YLPM1: variants seen among roughly 807,000 people sequenced by gnomAD.
The protein encoded by YLPM1 is YLP motif containing 1.
A neutral mutation model predicts 230.0 loss-of-function variants in YLPM1; 99 were observed. The ratio of observed to expected loss-of-function variants is 0.43; its 90% CI spans 0.37 to 0.51. The LOEUF is 0.51. YLPM1 is among the 20% of genes least tolerant of loss of function. The probability of loss-of-function intolerance (pLI) is 0.00; values close to 1 mark genes in which losing one functional copy is unlikely to be tolerated. For missense variants in YLPM1, 2,592 were observed against 2,707.7 expected, an observed-to-expected ratio of 0.96 and a Z score of 0.95; for synonymous variants, 984 against 942.5, an observed-to-expected ratio of 1.04 and a Z score of -0.81.
chr14:74,777,434 G>A (rs1217570488), intron 1 of YLPM1, among the ~76,000 whole-genome samples: 2 of 151,810 alleles, frequency 1.3e-5, no homozygotes, highest in Non-Finnish European at 2.9e-5. Context: ...GGGCTTGGTG[G>A]TGGGTGCCTG....
At chr14:74,810,087 C>A in intron 8 of YLPM1, 85 bp downstream of exon 8, 1 of 1,465,686 alleles carries the variant, frequency 6.8e-7, no homozygotes, top group Non-Finnish European at 9.2e-7. Context: ...ATTATCTGAG[C>A]CTCCATTTAA....
At chr14:74,773,302 A>G (rs1435714047) in intron 1 of YLPM1, among the ~76,000 whole-genome samples, 1 of 152,154 alleles carries the variant, frequency 6.6e-6, no homozygotes, top group Non-Finnish European at 1.5e-5. Context: ...AAAAAAAAAG[A>G]GAAATTGACC....
chr14:74,763,929 C>G lies in YLPM1; in HGVS notation c.440C>G (p.Pro147Arg), dbSNP rs779112462. ...GTTCCAATGGAGCTGGAATCCCCCC[C>G]TGAATCTCCCCCTGTGCCGCCTGGG... ...GLVPMELESP[P>R]ESPPVPPGSY... Residue 147 changes from proline to arginine, a missense_variant, in exon 1 of 21, where the codon CCT becomes CGT. By Grantham distance (103) the Pro-to-Arg change is moderately radical. Transcript: ENST00000325680. 4 of 1,152,986 alleles carry G rather than the reference C, an allele frequency of 3.5e-6. No individual in the cohort carries two copies. Among genetic ancestry groups the G allele is most frequent in the South Asian group, 1.6e-5 (1 of 60,992 alleles). 71.4% of individuals were successfully genotyped at this position (1,152,986 alleles called of 1,614,324 possible).
chr14:74,806,793 T>A (rs1177895204), intron 6 of YLPM1, among the ~76,000 whole-genome samples: 6 of 151,588 alleles, frequency 4.0e-5, no homozygotes, highest in African/African-American at 7.3e-5. Context: ...CCCATTTATC[T>A]GTTTGAGTCA....
chr14:74,763,382 G>C lies in YLPM1; in HGVS notation c.-108G>C. The stretch of plus-strand genomic sequence containing the variant: ...GCGCGCTCCGTTTACACGCTCCGGG[G>C]CCTGTAGGCGCCGCGAGTTCCGGCT... On this transcript the variant is annotated 5_prime_UTR_variant, in exon 1 of 21. Coordinates refer to ENST00000325680, the MANE Select transcript of YLPM1 (RefSeq NM_019589.3). 2 of 1,330,086 alleles carry C rather than the reference G, an allele frequency of 1.5e-6. No homozygotes were observed. Among genetic ancestry groups the C allele is most frequent in the Middle Eastern group, 2.9e-4 (1 of 3,428 alleles). The allele number at this position is 1,330,086 out of a possible 1,614,324, so 82.4% of individuals were successfully genotyped here. A position where few individuals can be genotyped will look rare whatever the true frequency, so the allele number is the denominator to read the frequency against.
In YLPM1 at chr14:74,821,113, T is replaced by A; in HGVS notation, c.6087T>A (p.Asp2029Glu). 6.5e-7 allele frequency: 1 copy of A among 1,548,384 alleles called. No individual in the cohort carries two copies. The highest frequency in any genetic ancestry group is 8.7e-7 in the Non-Finnish European group (1 of 1,145,712). ...AAGAACAGAAAGAAGAAAAGAAAGATGCAGAGGAAGAGGAAAGCGAACTGG... is the reference window on the plus strand; with the variant it reads ...AAGAACAGAAAGAAGAAAAGAAAGAAGCAGAGGAAGAGGAAAGCGAACTGG... ...NIEEQKEEKK[D>E]AEEEESELGY... Residue 2029 changes from aspartate (D) to glutamate (E), a missense_variant, in exon 17 of 21, where the codon GAT (aspartate) becomes GAA (glutamate). Transcript: ENST00000325680.
At position 74,764,033 on chromosome 14, in the gene YLPM1, C is replaced by T. The variant is rs1241755221; in HGVS notation, c.544C>T (p.Pro182Ser). Residue 182 changes from proline to serine, a missense_variant, in exon 1 of 21, where the codon CCC becomes TCC. Coordinates refer to ENST00000325680, the MANE Select transcript of YLPM1 (RefSeq NM_019589.3). ...PSYYPPTSSQ[P>S]YLPPAQPSPS... is the part of the protein sequence containing the mutation. ...TTACTACCCCCCGACCTCATCTCAG[C>T]CCTACCTGCCTCCTGCTCAGCCGTC... is the stretch of plus-strand genomic sequence containing the variant. The T allele has an allele frequency of 4.3e-6, 7 of 1,611,326 alleles. No individual in the cohort carries two copies. Among genetic ancestry groups the T allele is most frequent in the Non-Finnish European group, 5.9e-6 (7 of 1,179,074 alleles).
At chr14:74,824,156 C>T in intron 17 of YLPM1, 100 bp from the exon 18 acceptor site, 1 of 1,176,624 alleles carries the variant, frequency 8.5e-7, no homozygotes, top group Non-Finnish European at 1.2e-6. Flanking sequence ...TCAGTGGAAA[C>T]TGAATCCATT....
intron 19 of YLPM1, among the ~76,000 whole-genome samples, chr14:74,834,048 A>G (rs1174753040): frequency 6.6e-6 from 1 of 152,142 alleles, no homozygotes; most frequent in Non-Finnish European, 1.5e-5. Flanking sequence ...ACTTTTAAAA[A>G]CATATTAACA....
At chr14:74,770,555 G>T (rs530048775) in intron 1 of YLPM1, among the ~76,000 whole-genome samples, 53 of 152,092 alleles carry the variant, frequency 3.5e-4, no homozygotes, top group African/African-American at 1.2e-3. Context: ...AACCCAGGAG[G>T]CAGAGGTTGC....
intron 2 of YLPM1, among the ~76,000 whole-genome samples, chr14:74,779,497 G>C (rs1323334422): frequency 6.6e-6 from 1 of 152,036 alleles, no homozygotes; most frequent in African/African-American, 2.4e-5. Flanking sequence ...TTCTCATATT[G>C]GTCCAAAGGT....
chr14:74,802,754 G>T (rs1479396999), intron 6 of YLPM1, 78 bp downstream of exon 6: 1 of 1,432,620 alleles, frequency 7.0e-7, no homozygotes, highest in Non-Finnish European at 9.2e-7. Flanking sequence ...TTTTTTAGAA[G>T]TTGAATAAAT....
At chr14:74,829,398 GT>G in intron 19 of YLPM1, 55 bp downstream of exon 19, 1 of 1,604,146 alleles carries the variant, frequency 6.2e-7, no homozygotes. Flanking sequence ...TAGGCATCTG[GT>G]TTTAGGAAGT....
At position 74,798,141 on chromosome 14, in the gene YLPM1, G is replaced by A. The variant is rs773560136; in HGVS notation, c.2844G>A (p.Ala948=). Residue 948 remains alanine, a synonymous_variant, in exon 5 of 21, where the codon GCG becomes GCA. Transcript: ENST00000325680. ...AQAVTQPVPL[A]NKPVPAQSTF... ...CTGTTACTCAGCCTGTACCCCTTGC[G>A]AATAAGCCTGTACCTGCTCAATCTA... 22 of 1,613,824 alleles carry A rather than the reference G, an allele frequency of 1.4e-5. No individual in the cohort carries two copies. Among genetic ancestry groups the A allele is most frequent in the African/African-American group, 6.7e-5 (5 of 74,898 alleles).
chr14:74,811,120 C>A (rs1370875573), intron 9 of YLPM1, among the ~76,000 whole-genome samples: 2 of 152,112 alleles, frequency 1.3e-5, no homozygotes, highest in Non-Finnish European at 2.9e-5. Flanking sequence ...AGCCATCATG[C>A]CCAGCTTTCC....
intron 6 of YLPM1, among the ~76,000 whole-genome samples, chr14:74,807,652 CAA>C (rs1233631804): frequency 6.6e-6 from 1 of 152,180 alleles, no homozygotes; most frequent in African/African-American, 2.4e-5. Context: ...TTTGGGAAAA[CAA>C]ATGGAAGGAG....
At chr14:74,811,578 A>G (rs1462894885) in intron 9 of YLPM1, 42 bp from the exon 10 acceptor site, 3 of 1,495,418 alleles carry the variant, frequency 2.0e-6, no homozygotes, top group East Asian at 2.3e-5. Flanking sequence ...AGAACCCCAA[A>G]TATTTTTTAT....
intron 6 of YLPM1, 90 bp downstream of exon 6, chr14:74,802,766 A>G: frequency 2.1e-6 from 3 of 1,422,316 alleles, no homozygotes; most frequent in Non-Finnish European, 2.8e-6. Context: ...TGAATAAATA[A>G]CAAATTTCCT....
chr14:74,791,677 A>G (rs921394829), intron 4 of YLPM1, among the ~76,000 whole-genome samples: 37 of 152,352 alleles, frequency 2.4e-4, no homozygotes, highest in South Asian at 1.2e-3. Flanking sequence ...AACATGTTCC[A>G]TATTTATCAA....
Sources: allele counts gnomAD v4.1 joint callset (sites outside exome capture counted in the v4.1 genomes callset), GRCh38; gene constraint gnomAD v4.1.1; transcripts MANE v1.5; gene names NCBI Gene and HGNC (gene_info 2026-07-23, HGNC 2026-07-21).